Variants in ZNF658 observed in about 807,000 individuals in gnomAD.
ZNF658 encodes the protein zinc finger protein 658.
Under a neutral mutation model 78.0 loss-of-function variants are expected in ZNF658, and 46 were observed. The ratio of observed to expected loss-of-function variants is 0.59; its 90% CI spans 0.47 to 0.75. The LOEUF (loss-of-function observed/expected upper bound fraction) is 0.75, where lower values mean the gene tolerates loss of function less well. Ranked by LOEUF, ZNF658 falls within the 30% of genes least tolerant of loss-of-function variation. The probability of loss-of-function intolerance (pLI) is 0.00; values close to 1 mark genes in which losing one functional copy is unlikely to be tolerated. For missense variants in ZNF658, 785 were observed against 1,189.3 expected, an observed-to-expected ratio of 0.66 and a Z score of 5.00; for synonymous variants, 279 against 408.4, an observed-to-expected ratio of 0.68 and a Z score of 3.82.
chr9:66,916,360 A>G (rs577542724), intron 4 of ZNF658, among the ~76,000 whole-genome samples: 56 of 152,022 alleles, frequency 3.7e-4, no homozygotes, highest in Non-Finnish European at 7.6e-4. Context: ...ATTTCTCCAG[A>G]TAAATTTGTG....
chr9:66,907,410 AT>A (rs1564169822), intron 2 of ZNF658, among the ~76,000 whole-genome samples: 2 of 151,942 alleles, frequency 1.3e-5, no homozygotes, highest in African/African-American at 4.8e-5. Flanking sequence ...ACATTACTTT[AT>A]TTTTCATTCT....
rs1822039344 is a variant in ZNF658, at chr9:66,905,009, C to A, written c.15+1433C>A. 2.8e-5 allele frequency among the ~76,000 whole-genome samples: 4 copies of A among 140,816 alleles called. No individual in the cohort carries two copies. The South Asian group carries it at 8.9e-4, about 31-fold the overall frequency. 92.4% of individuals were successfully genotyped at this position (140,816 alleles called of 152,430 possible). On this transcript the variant is annotated intron_variant, in intron 2 of 4. Transcript: ENST00000621410. ...TCCGATTGTCTGTCTTTTTAACACT[C>A]TGATTCTCATGTCCAGGTGTGGATT...
At chr9:66,909,610 A>G (rs1416972806) in intron 4 of ZNF658, among the ~76,000 whole-genome samples, 1 of 151,844 alleles carries the variant, frequency 6.6e-6, no homozygotes, top group Non-Finnish European at 1.5e-5. Context: ...GTCATATGGT[A>G]TCTGTGTCTT....
In ZNF658 at chr9:66,920,916, A is replaced by G. The variant is rs1822510859; in HGVS notation, c.*170A>G. 1.3e-6 allele frequency: 1 copy of G among 761,296 alleles called. No homozygotes were observed. 47.2% of individuals were successfully genotyped at this position (761,296 alleles called of 1,614,324 possible). A position where few individuals can be genotyped will look rare whatever the true frequency, so the allele number is the denominator to read the frequency against. On this transcript the variant is annotated 3_prime_UTR_variant, in exon 5 of 5. Transcript: ENST00000621410. ...GACCATGGGATGTGGTGCTAATGAT[A>G]AATATTACATTTACCCTTGGCCCTT...
intron 2 of ZNF658, among the ~76,000 whole-genome samples, chr9:66,903,829 C>A (rs1474582972): frequency 2.0e-5 from 3 of 151,630 alleles, no homozygotes; most frequent in Admixed American, 6.6e-5. Flanking sequence ...GTCAGACAGA[C>A]AATACTTAAA....
At chr9:66,905,075 T>C (rs1564168856) in intron 2 of ZNF658, among the ~76,000 whole-genome samples, 5 of 103,570 alleles carry the variant, frequency 4.8e-5, no homozygotes, top group Non-Finnish European at 9.8e-5. Context: ...TTTCTTTTTT[T>C]TTTTTTTTTT....
At position 66,920,334 on chromosome 9, in the gene ZNF658, C is replaced by A. The variant is rs1467604323; in HGVS notation, c.2768C>A (p.Ser923Ter). The part of the protein sequence containing the change: ...SECGKTFSEK[S>*]YVSAHQRVHT... ...TGTGGGAAAACCTTCTCTGAGAAGTCATATGTTAGTGCACATCAGAGAGTT... is the reference window on the plus strand; with the variant it reads ...TGTGGGAAAACCTTCTCTGAGAAGTAATATGTTAGTGCACATCAGAGAGTT... Residue 923 changes from serine to a stop codon, truncating the protein, a stop_gained, in exon 5 of 5, where the codon TCA becomes TAA. Coordinates refer to ENST00000621410, the MANE Select transcript of ZNF658 (RefSeq NM_033160.7). LOFTEE classifies it high-confidence loss of function. 6.2e-7 allele frequency: 1 copy of A among 1,613,816 alleles called. No individual in the cohort carries two copies. Among genetic ancestry groups the A allele is most frequent in the Non-Finnish European group, 8.5e-7 (1 of 1,179,958 alleles).
chr9:66,913,124 G>T (rs889281148), intron 4 of ZNF658, among the ~76,000 whole-genome samples: 1 of 150,022 alleles, frequency 6.7e-6, no homozygotes, highest in African/African-American at 2.5e-5. Flanking sequence ...CCCATGCCCA[G>T]GGTTAATGTA....
chr9:66,913,620 G>T (rs1421149281), intron 4 of ZNF658, among the ~76,000 whole-genome samples: 1 of 151,808 alleles, frequency 6.6e-6, no homozygotes, highest in Non-Finnish European at 1.5e-5. Context: ...TTCTTTTACA[G>T]AACCTGCTTT....
chr9:66,928,621 C>T (rs878994978), intron 6 of ZNF658, among the ~76,000 whole-genome samples: 2 of 151,094 alleles, frequency 1.3e-5, no homozygotes, highest in Non-Finnish European at 2.9e-5. Context: ...GGGAGGCCAA[C>T]GCGGACAGAT....
intron 1 of ZNF658, among the ~76,000 whole-genome samples, chr9:66,901,780 AC>A (rs1232561941): frequency 6.6e-6 from 1 of 151,336 alleles, no homozygotes; most frequent in East Asian, 2.0e-4. Flanking sequence ...GCCCATCTCT[AC>A]AAAAATAAAA....
chr9:66,920,793 G>C lies in ZNF658; in HGVS notation c.*47G>C, dbSNP rs1400838888. ...TAACACGTAGTGCAGAAACTCATGT[G>C]ACATAGGCTGGGAACTTGTTTCCCT... On this transcript the variant is annotated 3_prime_UTR_variant, in exon 5 of 5. Coordinates refer to ENST00000621410, the MANE Select transcript of ZNF658 (RefSeq NM_033160.7). 2 of 654,486 alleles carry C rather than the reference G, an allele frequency of 3.1e-6. No homozygotes were observed. Among genetic ancestry groups the C allele is most frequent in the Admixed American group, 2.7e-5 (1 of 37,094 alleles). 40.5% of individuals were successfully genotyped at this position (654,486 alleles called of 1,614,324 possible). A position where few individuals can be genotyped will look rare whatever the true frequency, so the allele number is the denominator to read the frequency against.
At chr9:66,912,882 C>T (rs980879965) in intron 4 of ZNF658, among the ~76,000 whole-genome samples, 4 of 150,818 alleles carry the variant, frequency 2.7e-5, no homozygotes, top group African/African-American at 9.8e-5. Context: ...CCTGTCTCTA[C>T]TAAAAATACA....
chr9:66,905,852 C>A (rs987442035), intron 2 of ZNF658, among the ~76,000 whole-genome samples: 1 of 144,196 alleles, frequency 6.9e-6, no homozygotes, highest in Non-Finnish European at 1.5e-5. Context: ...GATTTAAAGT[C>A]ATCGTCTGTT....
At chr9:66,915,265 A>T (rs940191487) in intron 4 of ZNF658, among the ~76,000 whole-genome samples, 1 of 152,142 alleles carries the variant, frequency 6.6e-6, no homozygotes, top group Non-Finnish European at 1.5e-5. Flanking sequence ...TTAGAAAAAA[A>T]GTCTTTTAGA....
At chr9:66,930,626 G>A (rs1318387258) in intron 6 of ZNF658, among the ~76,000 whole-genome samples, 2 of 151,950 alleles carry the variant, frequency 1.3e-5, no homozygotes, top group South Asian at 2.1e-4. Context: ...TGGTCAACAT[G>A]GTGAAATGCC....
intron 2 of ZNF658, among the ~76,000 whole-genome samples, chr9:66,907,168 G>A (rs1449152323): frequency 6.6e-6 from 1 of 151,804 alleles, no homozygotes; most frequent in Non-Finnish European, 1.5e-5. Flanking sequence ...TGCTCAAGGA[G>A]CTGTCTGTCT....
intron 6 of ZNF658, among the ~76,000 whole-genome samples, chr9:66,931,517 A>C (rs532616294): frequency 3.6e-4 from 55 of 152,100 alleles, no homozygotes; most frequent in Admixed American, 7.2e-4. Context: ...ACCATAGAAC[A>C]TTTATCTATG....
At chr9:66,904,953 A>AATATGATG (rs1822037803) in intron 2 of ZNF658, among the ~76,000 whole-genome samples, 3 of 151,322 alleles carry the variant, frequency 2.0e-5, no homozygotes, top group Non-Finnish European at 4.4e-5. Context: ...ATCAGCCTGT[A>AATATGATG]ATATGATGAC....
Sources: gnomAD v4.1 joint callset for allele counts (sites outside exome capture counted in the v4.1 genomes callset) on GRCh38, gnomAD v4.1.1 for gene constraint, MANE v1.5 for transcripts, NCBI Gene and HGNC (gene_info 2026-07-23, HGNC 2026-07-21) for gene names.